ZNF385D: variants seen among roughly 807,000 people sequenced by gnomAD.
The protein encoded by ZNF385D is zinc finger protein 385D.
Under a neutral mutation model 35.8 loss-of-function variants are expected in ZNF385D, and 15 were observed. The ratio of observed to expected loss-of-function variants is 0.42; its 90% CI spans 0.28 to 0.64. The LOEUF is 0.64. Ranked by LOEUF, ZNF385D falls within the 30% of genes least tolerant of loss-of-function variation. The pLI is 0.23. For missense variants in ZNF385D, 474 were observed against 494.6 expected, an observed-to-expected ratio of 0.96 and a Z score of 0.39; for synonymous variants, 212 against 186.8, an observed-to-expected ratio of 1.13 and a Z score of -1.10.
At chr3:21,818,188 G>T (rs528667418) in intron 3 of ZNF385D, among the ~76,000 whole-genome samples, 1 of 152,196 alleles carries the variant, frequency 6.6e-6, no homozygotes, top group Non-Finnish European at 1.5e-5. Flanking sequence ...TGATGGGGGT[G>T]GGGATGGGGG....
chr3:22,088,954 T>C (rs952648862), intron 3 of ZNF385D, among the ~76,000 whole-genome samples: 1 of 152,200 alleles, frequency 6.6e-6, no homozygotes, highest in African/African-American at 2.4e-5. Context: ...TGACTTTTTT[T>C]AAAGAACACT....
At chr3:22,263,161 C>A (rs1247020982) in intron 2 of ZNF385D, among the ~76,000 whole-genome samples, 1 of 151,908 alleles carries the variant, frequency 6.6e-6, no homozygotes, top group East Asian at 1.9e-4. Flanking sequence ...TCAGAATGTA[C>A]CAACCAGATT....
At chr3:22,116,619 T>G (rs1205149187) in intron 3 of ZNF385D, among the ~76,000 whole-genome samples, 1 of 152,102 alleles carries the variant, frequency 6.6e-6, no homozygotes. Flanking sequence ...AACATTTGAA[T>G]GTAAGCTTTC....
At chr3:21,430,771 A>G (rs947274524) in intron 5 of ZNF385D, among the ~76,000 whole-genome samples, 1 of 152,138 alleles carries the variant, frequency 6.6e-6, no homozygotes, top group African/African-American at 2.4e-5. Flanking sequence ...GGAAAATACC[A>G]CATTGCTTTT....
chr3:21,699,823 C>CTTTTTTTTTTTTTTTT (rs1006362754), intron 1 of ZNF385D, among the ~76,000 whole-genome samples: 1 of 88,878 alleles, frequency 1.1e-5, no homozygotes, highest in Non-Finnish European at 2.1e-5. Context: ...GTTTCTTTTC[C>CTTTTTTTTTTTTTTTT]TTTTTTTTTT....
chr3:22,338,674 T>C (rs942768278), intron 2 of ZNF385D, among the ~76,000 whole-genome samples: 2 of 151,636 alleles, frequency 1.3e-5, no homozygotes, highest in African/African-American at 2.4e-5. Flanking sequence ...GTAAAGTTAA[T>C]GTGCAGCAAA....
At chr3:22,161,357 A>G (rs1305382137) in intron 3 of ZNF385D, among the ~76,000 whole-genome samples, 2 of 152,102 alleles carry the variant, frequency 1.3e-5, no homozygotes, top group East Asian at 3.9e-4. Context: ...CTTTTAATTT[A>G]CATTAATACA....
At chr3:22,178,226 C>T (rs1694968441) in intron 2 of ZNF385D, among the ~76,000 whole-genome samples, 1 of 152,194 alleles carries the variant, frequency 6.6e-6, no homozygotes, top group South Asian at 2.1e-4. Context: ...TCCTATTTCT[C>T]CACATCCTCT....
chr3:21,926,549 G>T (rs987898591), intron 3 of ZNF385D, among the ~76,000 whole-genome samples: 2 of 152,210 alleles, frequency 1.3e-5, no homozygotes, highest in East Asian at 3.9e-4. Context: ...GGCCATTTGG[G>T]TTGGTTCCAA....
intron 3 of ZNF385D, among the ~76,000 whole-genome samples, chr3:21,556,068 G>GTTATTTTTTTT (rs2062727548): frequency 1.0e-5 from 1 of 99,020 alleles, no homozygotes; most frequent in Non-Finnish European, 2.0e-5. Context: ...TTTTGTTTTT[G>GTTATTTTTTTT]TTTTTTTTTT....
intron 3 of ZNF385D, among the ~76,000 whole-genome samples, chr3:21,528,185 G>T (rs1311002856): frequency 1.3e-5 from 2 of 151,996 alleles, no homozygotes; most frequent in East Asian, 1.9e-4. Flanking sequence ...ATCCAGAAAG[G>T]GGAGAGAGAA....
chr3:21,730,509 T>G (rs1017822189), intron 1 of ZNF385D, among the ~76,000 whole-genome samples: 7 of 152,006 alleles, frequency 4.6e-5, no homozygotes. Context: ...GAGAAAAAAA[T>G]AATAATAATT....
At chr3:22,074,372 C>T (rs933192359) in intron 3 of ZNF385D, among the ~76,000 whole-genome samples, 5 of 152,052 alleles carry the variant, frequency 3.3e-5, no homozygotes, top group African/African-American at 1.2e-4. Flanking sequence ...TATCATCCAG[C>T]CCTTGGCAGA....
chr3:21,949,604 C>A (rs1352370502), intron 3 of ZNF385D, among the ~76,000 whole-genome samples: 3 of 143,708 alleles, frequency 2.1e-5, no homozygotes, highest in Non-Finnish European at 4.5e-5. Context: ...ATGCACAGAA[C>A]GTGCAGGTTT....
chr3:22,348,317 G>T (rs374538622), intron 2 of ZNF385D, among the ~76,000 whole-genome samples: 1 of 151,746 alleles, frequency 6.6e-6, no homozygotes, highest in Non-Finnish European at 1.5e-5. Context: ...AGTTGTTAGC[G>T]TGGTCCCTAA....
chr3:21,914,789 A>C (rs1700117973), intron 3 of ZNF385D, among the ~76,000 whole-genome samples: 1 of 152,028 alleles, frequency 6.6e-6, no homozygotes, highest in South Asian at 2.1e-4. Context: ...TTTTATTAAA[A>C]AGCCACTTCA....
intron 2 of ZNF385D, among the ~76,000 whole-genome samples, chr3:21,663,915 A>ATATATATATATATTTATT (rs1159950305): frequency 1.9e-4 from 20 of 105,878 alleles, no homozygotes; most frequent in African/African-American, 3.0e-4. Context: ...ATATATATAT[A>ATATATATATATATTTATT]TATTTATTTA....
intron 3 of ZNF385D, among the ~76,000 whole-genome samples, chr3:21,972,092 C>G (rs926308671): frequency 5.9e-5 from 9 of 151,962 alleles, no homozygotes; most frequent in African/African-American, 2.2e-4. Flanking sequence ...TTGATATGCA[C>G]TAAGAACAAA....
intron 4 of ZNF385D, among the ~76,000 whole-genome samples, chr3:21,503,753 A>T (rs1375838784): frequency 6.6e-6 from 1 of 152,128 alleles, no homozygotes. Flanking sequence ...TTTCCATCAG[A>T]TATCTTCTTT....
Sources: gnomAD v4.1 joint callset for allele counts (sites outside exome capture counted in the v4.1 genomes callset) on GRCh38, gnomAD v4.1.1 for gene constraint, MANE v1.5 for transcripts, NCBI Gene and HGNC (gene_info 2026-07-23, HGNC 2026-07-21) for gene names.